Variants in NTM observed in about 807,000 individuals in gnomAD.
NTM encodes IgLON family member 2.
NTM carries 13 observed loss-of-function variants against 42.1 expected under a neutral mutation model. That is an observed-to-expected ratio of 0.31 (90% CI 0.20 to 0.49). The LOEUF is 0.49. NTM is among the 20% of genes least tolerant of loss of function. NTM has a pLI of 0.99. For synonymous variants in NTM, 187 were observed against 179.2 expected (o/e 1.04, Z -0.35); for missense variants, 373 against 452.8 (o/e 0.82, Z 1.60).
intron 1 of NTM, among the ~76,000 whole-genome samples, chr11:131,656,511 T>G (rs2067203762): frequency 6.6e-6 from 1 of 152,194 alleles, no homozygotes; most frequent in South Asian, 2.1e-4. Context: ...ACTTGGGACT[T>G]GACATAGGTC....
chr11:131,864,728 C>T (rs887607723), intron 1 of NTM, among the ~76,000 whole-genome samples: 1 of 152,224 alleles, frequency 6.6e-6, no homozygotes, highest in African/African-American at 2.4e-5. Context: ...CTATGTGCCA[C>T]CTCTGACCAG....
Position 131,616,641 on chromosome 11 carries a change from G to A in NTM, c.82+245753G>A, listed in dbSNP as rs374141002. On this transcript the variant is annotated intron_variant, in intron 1 of 8. Transcript: ENST00000683400. ...TTTTTAACCCAAGATGATGAGATACGGAGACAGTTCTCTTCCCCACCCGGC... is the reference window on the plus strand; with the variant it reads ...TTTTTAACCCAAGATGATGAGATACAGAGACAGTTCTCTTCCCCACCCGGC... 2.3e-4 allele frequency among the ~76,000 whole-genome samples: 35 copies of A among 152,160 alleles called. No individual in the cohort carries two copies. The East Asian group carries it at 3.1e-3, about 14-fold the overall frequency.
At position 131,820,100 on chromosome 11, in the gene NTM, G is replaced by A. The variant is rs536494738; in HGVS notation, c.83-91464G>A. Among the ~76,000 whole-genome samples the A allele has an allele frequency of 3.9e-5, 6 of 152,266 alleles. No individual in the cohort carries two copies. In the East Asian group the frequency reaches 9.6e-4, roughly 24 times the overall value. ...GAGAATTGCAGGCAGCTTGAAGCCC[G>A]CTGAGAGAAATAATAACATAAGCGG... On this transcript the variant is annotated intron_variant, in intron 1 of 8. Coordinates refer to ENST00000683400, the MANE Select transcript of NTM (RefSeq NM_001352005.2).
At chr11:131,803,511 T>C (rs1414451292) in intron 1 of NTM, among the ~76,000 whole-genome samples, 1 of 152,222 alleles carries the variant, frequency 6.6e-6, no homozygotes, top group Non-Finnish European at 1.5e-5. Flanking sequence ...GGTTTCCCTA[T>C]GTTGGCGAGG....
At chr11:131,921,129 TC>T (rs2138224304) in intron 2 of NTM, among the ~76,000 whole-genome samples, 1 of 152,332 alleles carries the variant, frequency 6.6e-6, no homozygotes, top group African/African-American at 2.4e-5. Context: ...TTGAATTTTG[TC>T]CCATCTCCCC....
chr11:131,527,389 G>T (rs904953576), intron 1 of NTM, among the ~76,000 whole-genome samples: 15 of 152,196 alleles, frequency 9.9e-5, no homozygotes, highest in Admixed American at 4.6e-4. Context: ...TATGATCACA[G>T]TTCTCTTCTG....
intron 1 of NTM, among the ~76,000 whole-genome samples, chr11:131,897,977 G>C (rs1480255858): frequency 6.6e-6 from 1 of 152,132 alleles, no homozygotes; most frequent in Non-Finnish European, 1.5e-5. Flanking sequence ...TAATTTATAA[G>C]ATCATTTCTC....
At chr11:131,659,706 G>T (rs185376460) in intron 1 of NTM, among the ~76,000 whole-genome samples, 2 of 152,064 alleles carry the variant, frequency 1.3e-5, no homozygotes, top group Admixed American at 1.3e-4. Flanking sequence ...CAATGTGATC[G>T]GGATGCAATA....
intron 1 of NTM, among the ~76,000 whole-genome samples, chr11:131,585,347 G>A (rs1031131242): frequency 4.6e-5 from 7 of 152,200 alleles, no homozygotes; most frequent in Admixed American, 1.3e-4. Context: ...GGGAACCCAC[G>A]CTGGCGGCTG....
At chr11:132,285,503 C>T (rs942488558) in intron 4 of NTM, among the ~76,000 whole-genome samples, 15 of 152,134 alleles carry the variant, frequency 9.9e-5, no homozygotes, top group African/African-American at 3.4e-4. Context: ...GTCACAGCCA[C>T]CCCTCGACAG....
At chr11:131,420,306 A>G (rs1169350176) in intron 1 of NTM, among the ~76,000 whole-genome samples, 2 of 152,178 alleles carry the variant, frequency 1.3e-5, no homozygotes, top group Non-Finnish European at 2.9e-5. Flanking sequence ...GACAGCTGCT[A>G]TGAGGGGCCA....
intron 1 of NTM, among the ~76,000 whole-genome samples, chr11:131,808,366 T>C (rs2136288440): frequency 6.6e-6 from 1 of 152,308 alleles, no homozygotes; most frequent in Middle Eastern, 3.4e-3. Flanking sequence ...CAGGATTCAT[T>C]TTCCTTCATT....
chr11:131,858,704 C>T (rs930472940), intron 1 of NTM, among the ~76,000 whole-genome samples: 2 of 152,130 alleles, frequency 1.3e-5, no homozygotes, highest in Non-Finnish European at 2.9e-5. Context: ...CACGTTGAGC[C>T]GCAGCAGCTG....
At chr11:132,155,211 A>G (rs2072908231) in intron 3 of NTM, among the ~76,000 whole-genome samples, 1 of 152,182 alleles carries the variant, frequency 6.6e-6, no homozygotes. Flanking sequence ...ATTACCTGGA[A>G]AAATGATCTC....
At position 131,972,042 on chromosome 11, in the gene NTM, CAA is replaced by C. The variant is rs61627120; in HGVS notation, c.167+60414_167+60415del. Among the ~76,000 whole-genome samples the C allele has an allele frequency of 1.2e-3, 67 of 57,822 alleles. 1 individual carries two copies. Among genetic ancestry groups the C allele is most frequent in the African/African-American group, 3.0e-3 (45 of 14,804 alleles). 37.9% of individuals were successfully genotyped at this position (57,822 alleles called of 152,430 possible). A position where few individuals can be genotyped will look rare whatever the true frequency, so the allele number is the denominator to read the frequency against. On this transcript the variant is annotated intron_variant, in intron 2 of 8. Coordinates refer to ENST00000683400, the MANE Select transcript of NTM (RefSeq NM_001352005.2). ...TGGGCGACAGAGTGAGACTCCGTCT[CAA>C]AAAAAAAAAAAAAAAAAAATTAGCC...
At chr11:131,832,288 T>C (rs997309911) in intron 1 of NTM, among the ~76,000 whole-genome samples, 4 of 151,610 alleles carry the variant, frequency 2.6e-5, no homozygotes, top group African/African-American at 4.8e-5. Context: ...AATGTCAGAG[T>C]CTGAGAGACA....
intron 2 of NTM, among the ~76,000 whole-genome samples, chr11:132,048,379 C>A (rs1180110837): frequency 6.6e-6 from 1 of 152,132 alleles, no homozygotes; most frequent in African/African-American, 2.4e-5. Flanking sequence ...CATTTCTGGT[C>A]CCTGTGTGGG....
At chr11:131,741,201 G>GAGAGAGAGAT (rs1565489433) in intron 1 of NTM, among the ~76,000 whole-genome samples, 1 of 137,858 alleles carries the variant, frequency 7.3e-6, no homozygotes, top group African/African-American at 2.7e-5. Context: ...GAGAGAGAGA[G>GAGAGAGAGAT]AGAGAGATGT....
intron 1 of NTM, among the ~76,000 whole-genome samples, chr11:131,768,101 T>C (rs1010556508): frequency 5.1e-4 from 76 of 150,284 alleles, no homozygotes; most frequent in Middle Eastern, 3.4e-3. Context: ...TGTTCATCCA[T>C]TGAACACTTG....
Sources: gnomAD v4.1 joint callset for allele counts (sites outside exome capture counted in the v4.1 genomes callset) on GRCh38, gnomAD v4.1.1 for gene constraint, MANE v1.5 for transcripts, NCBI Gene and HGNC (gene_info 2026-07-23, HGNC 2026-07-21) for gene names.